Variants in MARCHF1 observed in about 807,000 individuals in gnomAD.
The protein encoded by MARCHF1 is membrane associated ring-CH-type finger 1, also known as E3 ubiquitin-protein ligase MARCHF1.
MARCHF1 carries 40 observed loss-of-function variants against 54.2 expected under a neutral mutation model. The ratio of observed to expected loss-of-function variants is 0.74; its 90% CI spans 0.57 to 0.96. The LOEUF is 0.96. Ranked by LOEUF, MARCHF1 falls within the 40% of genes least tolerant of loss-of-function variation. The probability of loss-of-function intolerance (pLI) is 0.00; values close to 1 mark genes in which losing one functional copy is unlikely to be tolerated. For missense variants in MARCHF1, 586 were observed against 656.5 expected, an observed-to-expected ratio of 0.89 and a Z score of 1.17; for synonymous variants, 236 against 236.3, an observed-to-expected ratio of 1.00 and a Z score of 0.01.
rs533465224 is a variant in MARCHF1, at chr4:163,905,355, T to C, written c.-38-51186A>G. Among the ~76,000 whole-genome samples, 17 of 152,220 alleles carry C rather than the reference T, an allele frequency of 1.1e-4. No homozygotes were observed. The South Asian group carries it at 2.1e-3, about 19-fold the overall frequency. On this transcript the variant is annotated intron_variant, in intron 3 of 9. Transcript: ENST00000514618. ...GATCTATTTGAGCCACATATGAATC[T>C]AGAACAAACGTAATATGCTGTTAAT...
At chr4:163,557,347 C>G (rs1739325545) in intron 8 of MARCHF1, among the ~76,000 whole-genome samples, 1 of 152,180 alleles carries the variant, frequency 6.6e-6, no homozygotes, top group South Asian at 2.1e-4. Flanking sequence ...CCTATCCTAT[C>G]ATCTCCAAAT....
chr4:164,309,780 A>T (rs907900425), intron 1 of MARCHF1, among the ~76,000 whole-genome samples: 1 of 152,314 alleles, frequency 6.6e-6, no homozygotes, highest in Non-Finnish European at 1.5e-5. Context: ...ATTAAGGGCA[A>T]AAGGACTAAA....
At chr4:163,908,731 G>C (rs1178714293) in intron 3 of MARCHF1, among the ~76,000 whole-genome samples, 1 of 152,078 alleles carries the variant, frequency 6.6e-6, no homozygotes, top group Non-Finnish European at 1.5e-5. Context: ...GTGGCCCCAG[G>C]AGTCTTGGCT....
At chr4:164,268,741 C>T (rs1169898614) in intron 1 of MARCHF1, among the ~76,000 whole-genome samples, 1 of 151,896 alleles carries the variant, frequency 6.6e-6, no homozygotes, top group Non-Finnish European at 1.5e-5. Context: ...AAAGAATTGT[C>T]CAGAAAGATA....
intron 4 of MARCHF1, among the ~76,000 whole-genome samples, chr4:163,711,323 G>A (rs1318217675): frequency 6.6e-6 from 1 of 151,942 alleles, no homozygotes; most frequent in African/African-American, 2.4e-5. Flanking sequence ...TTTTCTGTTG[G>A]AAATCCCAGT....
At chr4:163,562,949 T>C (rs1429975956) in intron 8 of MARCHF1, among the ~76,000 whole-genome samples, 2 of 152,218 alleles carry the variant, frequency 1.3e-5, no homozygotes, top group Admixed American at 6.5e-5. Flanking sequence ...CAAGTGCTTT[T>C]ACTCTGTCTT....
chr4:164,270,149 T>G (rs1273921954), intron 1 of MARCHF1, among the ~76,000 whole-genome samples: 2 of 152,208 alleles, frequency 1.3e-5, no homozygotes, highest in Non-Finnish European at 2.9e-5. Flanking sequence ...TGGCTGATTC[T>G]GTGGCAGTCA....
chr4:164,289,598 A>AC (rs1734237472), intron 1 of MARCHF1, among the ~76,000 whole-genome samples: 1 of 151,606 alleles, frequency 6.6e-6, no homozygotes, highest in Admixed American at 6.6e-5. Context: ...AAAAAAAAAA[A>AC]AAAAAAACCT....
rs201834679 is a variant in MARCHF1, at chr4:164,216,028, T to C, written c.-322-104366A>G. Among the ~76,000 whole-genome samples the C allele has an allele frequency of 8.5e-5, 13 of 152,350 alleles. No individual in the cohort carries two copies. The East Asian group carries it at 2.1e-3, about 25-fold the overall frequency. ...TTCTCACATAATGCCTATATAATTC[T>C]TGAGGCCACCTGGCCCTCAGTTTTG... is the stretch of plus-strand genomic sequence containing the variant. On this transcript the variant is annotated intron_variant, in intron 1 of 9. Transcript: ENST00000514618.
chr4:163,952,613 G>A (rs1579417647), intron 3 of MARCHF1, among the ~76,000 whole-genome samples: 1 of 152,210 alleles, frequency 6.6e-6, no homozygotes, highest in South Asian at 2.1e-4. Flanking sequence ...TAGTAATTAC[G>A]ATCCAGCCCA....
At chr4:164,356,022 C>T (rs62350479) in intron 1 of MARCHF1, among the ~76,000 whole-genome samples, 25,281 of 96,626 alleles carry the variant, frequency 0.26, 4,272 homozygotes, top group Non-Finnish European at 0.35. Flanking sequence ...AAAATGCTCA[C>T]CATCACTGGC....
intron 4 of MARCHF1, among the ~76,000 whole-genome samples, chr4:163,709,343 A>G (rs1579214652): frequency 6.6e-6 from 1 of 152,188 alleles, no homozygotes; most frequent in Non-Finnish European, 1.5e-5. Context: ...TGGGAGGCCA[A>G]GATGGGAAGA....
intron 1 of MARCHF1, among the ~76,000 whole-genome samples, chr4:164,160,373 G>T (rs1369637092): frequency 1.3e-5 from 2 of 151,994 alleles, no homozygotes; most frequent in African/African-American, 4.8e-5. Flanking sequence ...GGAACACAAT[G>T]GTCTCTGTGT....
chr4:163,680,518 C>G (rs1744068612), intron 5 of MARCHF1, among the ~76,000 whole-genome samples: 1 of 152,192 alleles, frequency 6.6e-6, no homozygotes, highest in African/African-American at 2.4e-5. Flanking sequence ...CCCTGGAACA[C>G]CAGCTCTTGT....
At chr4:163,731,591 A>T (rs1227896823) in intron 4 of MARCHF1, among the ~76,000 whole-genome samples, 1 of 152,224 alleles carries the variant, frequency 6.6e-6, no homozygotes, top group Non-Finnish European at 1.5e-5. Flanking sequence ...GATGTCACAG[A>T]GCTCAGTACC....
intron 1 of MARCHF1, among the ~76,000 whole-genome samples, chr4:164,285,819 TAAAAAA>T (rs78385104): frequency 2.1e-5 from 2 of 95,850 alleles, no homozygotes; most frequent in African/African-American, 3.7e-5. Context: ...TGTAGTTCTT[TAAAAAA>T]AAAAAAAAAA....
intron 7 of MARCHF1, among the ~76,000 whole-genome samples, chr4:163,596,786 A>G (rs574326495): frequency 6.6e-6 from 1 of 152,306 alleles, no homozygotes; most frequent in Admixed American, 6.5e-5. Context: ...TCAAAATAGC[A>G]GTAAAATTAC....
intron 1 of MARCHF1, among the ~76,000 whole-genome samples, chr4:164,195,720 A>G (rs1731236978): frequency 6.6e-6 from 1 of 152,200 alleles, no homozygotes; most frequent in African/African-American, 2.4e-5. Flanking sequence ...TTCTACAAAG[A>G]TAAGCCAATG....
intron 1 of MARCHF1, among the ~76,000 whole-genome samples, chr4:164,241,721 T>G (rs1215063006): frequency 6.6e-6 from 1 of 152,166 alleles, no homozygotes; most frequent in African/African-American, 2.4e-5. Flanking sequence ...GGTACCGGGT[T>G]CATCTCCCTA....
Sources: allele counts gnomAD v4.1 joint callset (sites outside exome capture counted in the v4.1 genomes callset), GRCh38; gene constraint gnomAD v4.1.1; transcripts MANE v1.5; gene names NCBI Gene and HGNC (gene_info 2026-07-23, HGNC 2026-07-21).